ACSM2B: variants seen among roughly 807,000 people sequenced by gnomAD.
The protein encoded by ACSM2B is acyl-coenzyme A synthetase ACSM2B, mitochondrial.
A neutral mutation model predicts 78.6 loss-of-function variants in ACSM2B; 58 were observed. The ratio of observed to expected loss-of-function variants is 0.74; its 90% confidence interval spans 0.60 to 0.92. The LOEUF is 0.92. Among genes scored for constraint, ACSM2B ranks in the 40% least tolerant of loss-of-function variants. ACSM2B has a pLI of 0.00. For missense variants in ACSM2B, 688 were observed against 711.2 expected (o/e 0.97, Z 0.37); for synonymous variants, 257 against 256.8 (o/e 1.00, Z -0.01).
intron 13 of ACSM2B, among the ~76,000 whole-genome samples, chr16:20,540,447 T>C (rs887398499): frequency 6.6e-6 from 1 of 152,156 alleles, no homozygotes; most frequent in African/African-American, 2.4e-5. Flanking sequence ...TTCACCATTT[T>C]GGCCAGGCTG....
At chr16:20,546,668 T>A (rs58395451) in intron 8 of ACSM2B, 194 bp from the exon 9 acceptor site, 41,171 of 1,075,712 alleles carry the variant, frequency 0.038, 1,859 homozygotes, top group East Asian at 0.2. Context: ...CTAAATTGTT[T>A]GTTCAGGAAG....
intron 11 of ACSM2B, 41 bp from the exon 12 acceptor site, chr16:20,543,054 A>G (rs2015041551): frequency 6.2e-7 from 1 of 1,612,992 alleles, no homozygotes; most frequent in Non-Finnish European, 8.5e-7. Flanking sequence ...TGGACACCGA[A>G]CCTCTAGGCC....
At chr16:20,560,218 T>G (rs960837942) in intron 2 of ACSM2B, among the ~76,000 whole-genome samples, 1 of 151,380 alleles carries the variant, frequency 6.6e-6, no homozygotes, top group African/African-American at 2.5e-5. Context: ...TTTCCTACTC[T>G]ATGAATTTGA....
At position 20,555,258 on chromosome 16, in the gene ACSM2B, T is replaced by C. The variant is rs748259629; in HGVS notation, c.596+11A>G. 3.2e-5 allele frequency: 52 copies of C among 1,613,850 alleles called. No homozygotes were observed. Among genetic ancestry groups the C allele is most frequent in the Non-Finnish European group, 4.3e-5 (51 of 1,179,856 alleles). ...TAGTTAAAACCCAGGATGAGACATG[T>C]AGATACTCACTTTAGTAGTTTCTTG... is the stretch of plus-strand genomic sequence containing the variant. On this transcript the variant is annotated intron_variant, in intron 4 of 13. Coordinates refer to ENST00000329697, the MANE Select transcript of ACSM2B (RefSeq NM_001105069.2).
rs778501991 is a variant in ACSM2B at position 20,548,126 on chromosome 16, G to A, written c.1034C>T (p.Thr345Ile). The stretch of plus-strand genomic sequence containing the variant: ...TGTCTGGGCCCTCCAGTTCTCCAGA[G>A]TTTCTGGAAGAAGGGACTCCCCTCC... ...LAGGESLLPE[T>I]LENWRAQTGL... The change falls in exon 8 of 14, where the codon ACT (threonine) becomes ATT (isoleucine). Residue 345 changes from threonine (T) to isoleucine (I), a missense_variant. By Grantham distance (89) the Thr-to-Ile change is moderately conservative (BLOSUM62 -1). Coordinates refer to ENST00000329697, the MANE Select transcript of ACSM2B (RefSeq NM_001105069.2). 4 of 1,614,042 alleles carry A rather than the reference G, an allele frequency of 2.5e-6. No homozygotes were observed. The South Asian group carries it at 4.4e-5, about 18-fold the overall frequency.
chr16:20,557,209 G>C (rs1287450082), intron 3 of ACSM2B, among the ~76,000 whole-genome samples: 1 of 144,034 alleles, frequency 6.9e-6, no homozygotes, highest in Non-Finnish European at 1.5e-5. Context: ...AATCCAACTT[G>C]TTATCACTTC....
chr16:20,553,645 T>C (rs2015382068), intron 5 of ACSM2B, 132 bp downstream of exon 5: 1 of 1,410,476 alleles, frequency 7.1e-7, no homozygotes, highest in Non-Finnish European at 9.5e-7. Flanking sequence ...ATGTCCTCTT[T>C]AGCTTTCCTT....
At chr16:20,561,625 A>C (rs1328566370) in intron 2 of ACSM2B, among the ~76,000 whole-genome samples, 1 of 152,000 alleles carries the variant, frequency 6.6e-6, no homozygotes, top group African/African-American at 2.4e-5. Context: ...AAACTATGTC[A>C]CTTTGCTCCT....
chr16:20,549,864 A>T (rs781563416), intron 6 of ACSM2B: 9 of 437,294 alleles, frequency 2.1e-5, no homozygotes, highest in African/African-American at 1.6e-4. Context: ...CAATTGGTTG[A>T]GTTGATCTAA....
intron 6 of ACSM2B, among the ~76,000 whole-genome samples, chr16:20,550,129 G>A (rs1417245533): frequency 2.0e-5 from 3 of 152,178 alleles, no homozygotes; most frequent in Admixed American, 1.3e-4. Context: ...AACCCTGGCT[G>A]AGGAGGAAGT....
chr16:20,548,226 A>C, intron 7 of ACSM2B, 41 bp from the exon 8 acceptor site: 1 of 1,613,552 alleles, frequency 6.2e-7, no homozygotes, highest in South Asian at 1.1e-5. Context: ...GCCTCCCTGG[A>C]ACCAAAGTCC....
At chr16:20,566,682 G>A (rs1472929316) in intron 1 of ACSM2B, among the ~76,000 whole-genome samples, 145 of 3,978 alleles carry the variant, frequency 0.036, 8 homozygotes, top group East Asian at 0.11. Flanking sequence ...TATACATATA[G>A]TATATACTAT....
At chr16:20,558,825 C>A (rs565111281) in intron 3 of ACSM2B, among the ~76,000 whole-genome samples, 1 of 152,328 alleles carries the variant, frequency 6.6e-6, no homozygotes, top group South Asian at 2.1e-4. Flanking sequence ...AACAAGTGGG[C>A]ATAGCTGTGT....
chr16:20,540,221 T>G (rs563985408), intron 13 of ACSM2B, among the ~76,000 whole-genome samples: 9 of 52,118 alleles, frequency 1.7e-4, no homozygotes, highest in Admixed American at 5.3e-4. Context: ...TTGTTTTTTT[T>G]TTGTTTTTTT....
At chr16:20,574,081 C>T (rs1160733000) in intron 1 of ACSM2B, 5 of 152,160 alleles carry the variant, frequency 3.3e-5, no homozygotes, top group Admixed American at 6.6e-5. Context: ...ATAAGACAAA[C>T]ACTCCCAGAG....
At chr16:20,566,429 C>A (rs181985985) in intron 1 of ACSM2B, among the ~76,000 whole-genome samples, 1 of 126,708 alleles carries the variant, frequency 7.9e-6, no homozygotes, top group African/African-American at 3.0e-5. Flanking sequence ...GGGTATTATA[C>A]ATTTATATTG....
chr16:20,559,639 T>C (rs8061391), intron 2 of ACSM2B, among the ~76,000 whole-genome samples, 192 bp from the exon 3 acceptor site: 86,705 of 150,280 alleles, frequency 0.58, 29,071 homozygotes, highest in Non-Finnish European at 0.74. Context: ...ATATCTACCA[T>C]AGTAGATATT....
Position 20,537,126 on chromosome 16 carries a change from A to G in ACSM2B, c.*132T>C. 9.1e-7 allele frequency: 1 copy of G among 1,094,460 alleles called. No homozygotes were observed. The highest frequency in any genetic ancestry group is 2.4e-5 in the East Asian group (1 of 42,052). The allele number at this position is 1,094,460 out of a possible 1,614,324, so 67.8% of individuals were successfully genotyped here. A position where few individuals can be genotyped will look rare whatever the true frequency, so the allele number is the denominator to read the frequency against. ...TAACATAGTAATGTTTTGTGCTAAT[A>G]ACCAGGGCAAGACAAAACTTACATT... On this transcript the variant is annotated 3_prime_UTR_variant, in exon 14 of 14. Transcript: ENST00000329697.
At chr16:20,570,352 G>T (rs1028408764) in intron 1 of ACSM2B, among the ~76,000 whole-genome samples, 1 of 151,676 alleles carries the variant, frequency 6.6e-6, no homozygotes, top group East Asian at 1.9e-4. Flanking sequence ...TGTTTATGTG[G>T]TGTATCACAT....
Sources: allele counts gnomAD v4.1 joint callset (sites outside exome capture counted in the v4.1 genomes callset), GRCh38; gene constraint gnomAD v4.1.1; transcripts MANE v1.5; gene names NCBI Gene and HGNC (gene_info 2026-07-23, HGNC 2026-07-21).